ADAM22: variants seen among roughly 807,000 people sequenced by gnomAD.
ADAM22 encodes disintegrin and metalloproteinase domain-containing protein 22.
ADAM22 carries 65 observed loss-of-function variants against 144.6 expected under a neutral mutation model. The observed-to-expected ratio is 0.45, with a 90% CI of 0.37 to 0.55. ADAM22 has a LOEUF of 0.55. Ranked by LOEUF, ADAM22 falls within the 20% of genes least tolerant of loss-of-function variation. The pLI is 0.00. For missense variants in ADAM22, 974 were observed against 1,184.9 expected, an observed-to-expected ratio of 0.82 and a Z score of 2.61; for synonymous variants, 391 against 412.6, an observed-to-expected ratio of 0.95 and a Z score of 0.63.
chr7:87,978,179 A>C (rs1852364709), intron 2 of ADAM22, among the ~76,000 whole-genome samples, 157 bp from the exon 3 acceptor site: 1 of 152,238 alleles, frequency 6.6e-6, no homozygotes, highest in Non-Finnish European at 1.5e-5. Flanking sequence ...GGCTTCTAAG[A>C]AGGTGTAAAT....
chr7:88,017,787 A>ATATATATGTGTGTG (rs1563034379), intron 3 of ADAM22, among the ~76,000 whole-genome samples: 4,121 of 151,760 alleles, frequency 0.027, 185 homozygotes, highest in African/African-American at 0.094. Flanking sequence ...GTGTGTGTAT[A>ATATATATGTGTGTG]TATATATATG....
chr7:88,031,006 C>A (rs997533678), intron 3 of ADAM22, among the ~76,000 whole-genome samples: 14 of 152,162 alleles, frequency 9.2e-5, no homozygotes, highest in African/African-American at 3.4e-4. Context: ...GTCCCAGCTA[C>A]TCAGGAGGCT....
intron 13 of ADAM22, 139 bp downstream of exon 13, chr7:88,134,558 A>C: frequency 3.4e-6 from 2 of 589,634 alleles, no homozygotes; most frequent in East Asian, 3.5e-5. Flanking sequence ...CAGCGCACAA[A>C]CTGTTGTTTT....
intron 4 of ADAM22, among the ~76,000 whole-genome samples, chr7:88,091,631 T>C (rs1338539087): frequency 2.0e-5 from 3 of 152,198 alleles, no homozygotes; most frequent in Non-Finnish European, 2.9e-5. Flanking sequence ...ATCCTCATTT[T>C]GCAGATGAGG....
At chr7:88,054,405 T>C (rs1342766215) in intron 3 of ADAM22, among the ~76,000 whole-genome samples, 1 of 152,120 alleles carries the variant, frequency 6.6e-6, no homozygotes, top group Non-Finnish European at 1.5e-5. Flanking sequence ...TTTCTGTTGT[T>C]ATTATATTAT....
At chr7:87,952,807 C>T (rs1363355922) in intron 2 of ADAM22, among the ~76,000 whole-genome samples, 7 of 152,154 alleles carry the variant, frequency 4.6e-5, no homozygotes, top group South Asian at 2.1e-4. Context: ...TTGATTATTG[C>T]CACAATTTCA....
At chr7:88,140,649 C>T (rs879747998) in intron 14 of ADAM22, among the ~76,000 whole-genome samples, 1 of 152,068 alleles carries the variant, frequency 6.6e-6, no homozygotes. Flanking sequence ...TCGAGACCAG[C>T]CTGGGCAACG....
chr7:88,107,370 T>G (rs1433333509), intron 4 of ADAM22, among the ~76,000 whole-genome samples: 1 of 149,542 alleles, frequency 6.7e-6, no homozygotes, highest in Non-Finnish European at 1.5e-5. Context: ...TCCAGCTAAT[T>G]TTGTATTTTT....
At chr7:87,946,676 T>G (rs976001344) in intron 2 of ADAM22, among the ~76,000 whole-genome samples, 2 of 152,192 alleles carry the variant, frequency 1.3e-5, no homozygotes, top group Non-Finnish European at 2.9e-5. Context: ...TGCAGCTTTG[T>G]TTCTGGGCTC....
intron 2 of ADAM22, among the ~76,000 whole-genome samples, chr7:87,955,047 T>G (rs1446194972): frequency 1.3e-5 from 2 of 152,228 alleles, no homozygotes; most frequent in Admixed American, 6.5e-5. Flanking sequence ...TAAATTTTTT[T>G]CAAAGTTTTC....
intron 3 of ADAM22, among the ~76,000 whole-genome samples, chr7:88,025,562 G>T (rs1418745535): frequency 6.6e-6 from 1 of 152,016 alleles, no homozygotes; most frequent in Non-Finnish European, 1.5e-5. Flanking sequence ...AAGAGATAGG[G>T]GTCTCGTTTC....
At chr7:88,145,319 T>A (rs753035306) in intron 16 of ADAM22, 96 bp from the exon 17 acceptor site, 19 of 1,483,430 alleles carry the variant, frequency 1.3e-5, no homozygotes, top group Non-Finnish European at 1.8e-5. Context: ...GAAGAAAAAT[T>A]ATTGTGAGTT....
intron 15 of ADAM22, among the ~76,000 whole-genome samples, chr7:88,144,260 C>T (rs570495455): frequency 2.0e-5 from 3 of 152,106 alleles, no homozygotes; most frequent in South Asian, 4.1e-4. Flanking sequence ...TTCTATAATA[C>T]GTAAACTTTG....
At chr7:87,990,313 T>A (rs1789496411) in intron 3 of ADAM22, among the ~76,000 whole-genome samples, 1 of 152,218 alleles carries the variant, frequency 6.6e-6, no homozygotes, top group African/African-American at 2.4e-5. Context: ...TAATTGTAGA[T>A]CATTTTTCTA....
At chr7:88,008,689 G>A (rs1584982940) in intron 3 of ADAM22, among the ~76,000 whole-genome samples, 2 of 151,826 alleles carry the variant, frequency 1.3e-5, no homozygotes, top group East Asian at 3.9e-4. Flanking sequence ...TCATAGATGG[G>A]AATTGAACAA....
intron 3 of ADAM22, among the ~76,000 whole-genome samples, chr7:87,982,895 T>C (rs1383341864): frequency 1.3e-5 from 2 of 151,054 alleles, no homozygotes; most frequent in Non-Finnish European, 2.9e-5. Flanking sequence ...TTCTCCATGT[T>C]GGTCAGGCTG....
At chr7:88,113,119 CTTTTTTTTTTTTT>C (rs34323035) in intron 5 of ADAM22, among the ~76,000 whole-genome samples, 1 of 79,000 alleles carries the variant, frequency 1.3e-5, no homozygotes, top group East Asian at 5.4e-4. Flanking sequence ...TGCCTGCCCT[CTTTTTTTTTTTTT>C]TTTTTTTTTT....
chr7:88,077,596 A>G (rs534925264), intron 4 of ADAM22, among the ~76,000 whole-genome samples: 43 of 152,320 alleles, frequency 2.8e-4, no homozygotes, highest in African/African-American at 9.4e-4. Flanking sequence ...TTTCCTAGTC[A>G]AAGAAAGGGG....
rs866231482 is a variant in ADAM22 at position 88,200,450 on chromosome 7, T to C, written c.*3959T>C. Reference sequence around the variant, plus strand: ...CAAGACAGCTGCCTGCACAGTCTGATAGGACACATCTGGCTGCTGCCACTG... The same window carrying C: ...CAAGACAGCTGCCTGCACAGTCTGACAGGACACATCTGGCTGCTGCCACTG... On this transcript the variant is annotated 3_prime_UTR_variant, in exon 32 of 32. Transcript: ENST00000413139. The C allele has an allele frequency of 2.0e-5, 3 of 152,240 alleles. No individual in the cohort carries two copies. The highest frequency in any genetic ancestry group is 6.5e-5 in the Admixed American group (1 of 15,288). 9.4% of individuals were successfully genotyped at this position (152,240 alleles called of 1,614,324 possible). A position where few individuals can be genotyped will look rare whatever the true frequency, so the allele number is the denominator to read the frequency against.
Sources: gnomAD v4.1 joint callset for allele counts (sites outside exome capture counted in the v4.1 genomes callset) on GRCh38, gnomAD v4.1.1 for gene constraint, MANE v1.5 for transcripts, NCBI Gene and HGNC (gene_info 2026-07-23, HGNC 2026-07-21) for gene names.